The following ATP9B variants were observed in gnomAD, a reference collection of about 807,000 sequenced individuals.
The protein encoded by ATP9B is probable phospholipid-transporting ATPase IIB.
Under a neutral mutation model 146.1 loss-of-function variants are expected in ATP9B, and 110 were observed. The observed-to-expected ratio is 0.75, with a 90% confidence interval of 0.65 to 0.88. The LOEUF is 0.88. ATP9B is among the 40% of genes least tolerant of loss of function. ATP9B has a pLI of 0.00. For missense variants in ATP9B, 1,499 were observed against 1,496.4 expected (o/e 1.00, Z -0.03); for synonymous variants, 604 against 569.7 (o/e 1.06, Z -0.86).
chr18:79,175,779 C>G (rs1251895568), intron 7 of ATP9B, among the ~76,000 whole-genome samples: 1 of 151,862 alleles, frequency 6.6e-6, no homozygotes, highest in Non-Finnish European at 1.5e-5. Context: ...TGTGCACACA[C>G]AGATACGCTT....
chr18:79,252,839 G>A (rs1024025535), intron 11 of ATP9B, among the ~76,000 whole-genome samples: 21 of 149,198 alleles, frequency 1.4e-4, no homozygotes, highest in Non-Finnish European at 3.1e-4. Flanking sequence ...CTTTCAGAGA[G>A]ACTGCTGGTA....
intron 5 of ATP9B, among the ~76,000 whole-genome samples, chr18:79,137,108 A>G (rs1599820146): frequency 6.6e-6 from 1 of 152,074 alleles, no homozygotes; most frequent in Non-Finnish European, 1.5e-5. Flanking sequence ...CATTTGTTGT[A>G]TTTTTTATCT....
At chr18:79,251,403 A>T (rs1190719864) in intron 11 of ATP9B, among the ~76,000 whole-genome samples, 2 of 152,250 alleles carry the variant, frequency 1.3e-5, no homozygotes, top group African/African-American at 4.8e-5. Flanking sequence ...CTGGTTAGAA[A>T]AGAAAACTTA....
At chr18:79,288,972 G>C (rs1346310058) in intron 13 of ATP9B, among the ~76,000 whole-genome samples, 1 of 152,152 alleles carries the variant, frequency 6.6e-6, no homozygotes, top group Non-Finnish European at 1.5e-5. Context: ...TAGAGTTTCT[G>C]CCGAGAGATC....
chr18:79,374,236 A>T (rs887198525), intron 28 of ATP9B, 135 bp downstream of exon 28: 1 of 1,048,028 alleles, frequency 9.5e-7, no homozygotes, highest in Non-Finnish European at 1.4e-6. Context: ...GCCTGCTCTT[A>T]CTGTCCCTGC....
intron 13 of ATP9B, among the ~76,000 whole-genome samples, chr18:79,295,007 A>G (rs1293164734): frequency 3.3e-5 from 5 of 152,172 alleles, no homozygotes; most frequent in East Asian, 3.8e-4. Flanking sequence ...ATATCTTTCA[A>G]ATTTACATAC....
At chr18:79,154,359 T>A (rs569995636) in intron 6 of ATP9B, 145 bp from the exon 7 acceptor site, 2 of 597,848 alleles carry the variant, frequency 3.3e-6, no homozygotes, top group South Asian at 5.0e-5. Flanking sequence ...ATCAATTTTT[T>A]ATATACAAAT....
intron 10 of ATP9B, among the ~76,000 whole-genome samples, chr18:79,210,062 G>T (rs940014302): frequency 1.3e-5 from 2 of 152,150 alleles, no homozygotes; most frequent in Non-Finnish European, 2.9e-5. Context: ...TGGGAACCGG[G>T]ACTCAGGTTA....
chr18:79,136,229 C>T (rs2094446143), intron 5 of ATP9B, among the ~76,000 whole-genome samples: 1 of 152,210 alleles, frequency 6.6e-6, no homozygotes, highest in Admixed American at 6.5e-5. Context: ...AATGGGATTT[C>T]ATTGAATCTG....
At chr18:79,348,324 C>T in intron 25 of ATP9B, 128 bp downstream of exon 25, 1 of 907,146 alleles carries the variant, frequency 1.1e-6, no homozygotes, top group Non-Finnish European at 1.7e-6. Context: ...ATGAATAATA[C>T]TGATGTAAAA....
intron 10 of ATP9B, among the ~76,000 whole-genome samples, chr18:79,210,449 G>A (rs1305793167): frequency 6.6e-6 from 1 of 152,166 alleles, no homozygotes; most frequent in East Asian, 1.9e-4. Context: ...CTGTGTCTCA[G>A]CCATGTGGAC....
At chr18:79,137,036 G>T (rs960068782) in intron 5 of ATP9B, among the ~76,000 whole-genome samples, 21 of 152,154 alleles carry the variant, frequency 1.4e-4, no homozygotes, top group Non-Finnish European at 2.8e-4. Flanking sequence ...GGGAGTATAG[G>T]AACTACAATT....
intron 5 of ATP9B, among the ~76,000 whole-genome samples, chr18:79,127,185 A>T (rs984985659): frequency 1.3e-4 from 20 of 152,198 alleles, no homozygotes; most frequent in African/African-American, 4.6e-4. Flanking sequence ...TTAACACCTT[A>T]TTGGGCTCTA....
rs201627666 is a variant in ATP9B at position 79,337,474 on chromosome 18, C to T, written c.2283+25C>T. The stretch of plus-strand genomic sequence containing the variant: ...GGTACTGCAGGCTCACCTCTGCTGG[C>T]GCGCGCTGCTTTTGCTGAAGCAAAC... On this transcript the variant is annotated intron_variant, in intron 19 of 29. Coordinates refer to ENST00000426216, the MANE Select transcript of ATP9B (RefSeq NM_198531.5). The T allele has an allele frequency of 3.9e-4, 619 of 1,595,596 alleles. 5 individuals carry two copies. The South Asian group carries it at 6.1e-3, about 16-fold the overall frequency.
intron 1 of ATP9B, among the ~76,000 whole-genome samples, chr18:79,071,049 C>CTTTTTTCTTTTTTT (rs1555723402): frequency 5.3e-5 from 6 of 112,368 alleles, no homozygotes; most frequent in Admixed American, 9.0e-5. Context: ...ATTCCTGTTT[C>CTTTTTTCTTTTTTT]TTTTTTTTTT....
In ATP9B at chr18:79,254,283, G is replaced by A. The variant is rs191984900; in HGVS notation, c.1268+742G>A. On this transcript the variant is annotated intron_variant, in intron 12 of 29. Transcript: ENST00000426216. ...CTCAAGGATGTAGCCACTTTGAAGAGAAAGATATCTCTATTTCTAAACCAG... is the reference window on the plus strand; with the variant it reads ...CTCAAGGATGTAGCCACTTTGAAGAAAAAGATATCTCTATTTCTAAACCAG... 8.5e-5 allele frequency: 13 copies of A among 152,324 alleles called. No homozygotes were observed. The East Asian group carries it at 2.3e-3, about 27-fold the overall frequency. The allele number at this position is 152,324 out of a possible 1,614,324, so 9.4% of individuals were successfully genotyped here.
intron 20 of ATP9B, among the ~76,000 whole-genome samples, chr18:79,342,618 A>T (rs1191925963): frequency 2.6e-5 from 4 of 151,932 alleles, no homozygotes; most frequent in Non-Finnish European, 5.9e-5. Context: ...TTAATTAATT[A>T]AAAAGCATGT....
In ATP9B at chr18:79,374,015, G is replaced by A. The variant is rs148978890; in HGVS notation, c.3188G>A (p.Arg1063His). 2.1e-5 allele frequency: 34 copies of A among 1,614,034 alleles called. No individual in the cohort carries two copies. The highest frequency in any genetic ancestry group is 1.3e-4 in the East Asian group (6 of 44,896). Residue 1063 changes from arginine (R) to histidine (H), a missense_variant, in exon 28 of 30, where the codon CGC becomes CAC. By Grantham distance (29) the Arg-to-His change is conservative (BLOSUM62 0). Coordinates refer to ENST00000426216, the MANE Select transcript of ATP9B (RefSeq NM_198531.5). ...CTGCTGATGGTGGCGCTGACCGTCC[G>A]CACGTGGCACTGGCTGATGGTGGTG... The part of the protein sequence containing the change: ...TELLMVALTV[R>H]TWHWLMVVAE...
At chr18:79,271,055 G>C (rs1295458352) in intron 12 of ATP9B, among the ~76,000 whole-genome samples, 1 of 152,056 alleles carries the variant, frequency 6.6e-6, no homozygotes, top group East Asian at 1.9e-4. Flanking sequence ...CTTGCCACTT[G>C]TCTCTGGTCT....
Sources: allele counts gnomAD v4.1 joint callset (sites outside exome capture counted in the v4.1 genomes callset), GRCh38; gene constraint gnomAD v4.1.1; transcripts MANE v1.5; gene names NCBI Gene and HGNC (gene_info 2026-07-23, HGNC 2026-07-21).